The following UGT2B11 variants were observed in gnomAD, a reference collection of about 807,000 sequenced individuals.
UGT2B11 encodes the protein UDP-glucuronosyltransferase 2B11.
A neutral mutation model predicts 51.7 loss-of-function variants in UGT2B11; 49 were observed. The ratio of observed to expected loss-of-function variants is 0.95; its 90% CI spans 0.75 to 1.20. The LOEUF (loss-of-function observed/expected upper bound fraction) is 1.20. Among genes scored for constraint, UGT2B11 ranks in the 50% most tolerant of loss-of-function variants. The pLI is 0.00. For synonymous variants in UGT2B11, 273 were observed against 209.0 expected (o/e 1.31, Z -2.64); for missense variants, 810 against 622.1 (o/e 1.30, Z -3.21).
chr4:69,221,694 G>T, the UGT2B11 span, among the ~76,000 whole-genome samples: 1 of 138,250 alleles, frequency 7.2e-6, no homozygotes, highest in African/African-American at 2.6e-5. Flanking sequence ...AAGATTCCTC[G>T]GATAGAAACA....
Position 69,210,705 on chromosome 4 carries a change from T to C in UGT2B11, c.870+1868A>G, listed in dbSNP as rs769721615. Among the ~76,000 whole-genome samples the C allele has an allele frequency of 5.3e-5, 8 of 151,666 alleles. 1 individual carries two copies. In the South Asian group the frequency reaches 1.7e-3, roughly 31 times the overall value. ...TAGAGTGACATAGATTTTTCATTAGTCTTACTTCAGCTTTTCTCTCTTGAG... is the reference window on the plus strand; with the variant it reads ...TAGAGTGACATAGATTTTTCATTAGCCTTACTTCAGCTTTTCTCTCTTGAG... On this transcript the variant is annotated intron_variant, in intron 2 of 5. Transcript: ENST00000446444.
intron 1 of UGT2B11, 92 bp from the exon 2 acceptor site, chr4:69,212,813 T>C: frequency 1.4e-6 from 2 of 1,416,320 alleles, no homozygotes; most frequent in Non-Finnish European, 9.3e-7. Context: ...TAAGCAAAGA[T>C]GTAGGTAAAG....
chr4:69,200,868 C>A, intron 5 of UGT2B11, 149 bp from the exon 6 acceptor site: 1 of 1,074,516 alleles, frequency 9.3e-7, no homozygotes, highest in Non-Finnish European at 1.2e-6. Context: ...TTTGAGTTAT[C>A]ATAGATAGTT....
chr4:69,208,462 C>G lies in UGT2B11; in HGVS notation c.891G>C (p.Gln297His). ...CCACAACACCATTTTCTCCAGAGCT[C>G]TGTACAAACTCCTCCATTTCCTGTG... ...PLPKEMEEFV[Q>H]SSGENGVVVF... Residue 297 changes from glutamine (Q) to histidine (H), a missense_variant, in exon 3 of 6, where the codon CAG (glutamine) becomes CAC (histidine). By Grantham distance (24) the Gln-to-His change is conservative. Coordinates refer to ENST00000446444, the MANE Select transcript of UGT2B11 (RefSeq NM_001073.3). 1 of 1,608,946 alleles carries G rather than the reference C, an allele frequency of 6.2e-7. No individual in the cohort carries two copies. Among genetic ancestry groups the G allele is most frequent in the Non-Finnish European group, 8.5e-7 (1 of 1,177,872 alleles).
upstream of UGT2B11, chr4:69,214,837 A>T: frequency 8.1e-6 from 12 of 1,482,070 alleles, no homozygotes; most frequent in Non-Finnish European, 9.9e-6. Context: ...AATATATTAT[A>T]GGAGCATCCT....
chr4:69,209,783 T>C (rs940067422), intron 2 of UGT2B11, among the ~76,000 whole-genome samples: 3 of 151,572 alleles, frequency 2.0e-5, no homozygotes, highest in African/African-American at 7.3e-5. Flanking sequence ...TGGCTTGATA[T>C]CAGAGCCTTG....
At chr4:69,223,925 G>C in the UGT2B11 span, among the ~76,000 whole-genome samples, 1 of 152,170 alleles carries the variant, frequency 6.6e-6, no homozygotes, top group Non-Finnish European at 1.5e-5. Context: ...GTCCCAACAA[G>C]GGGGAAAGTC....
chr4:69,205,729 T>G (rs1208256241), intron 3 of UGT2B11, 162 bp from the exon 4 acceptor site: 4 of 833,326 alleles, frequency 4.8e-6, no homozygotes, highest in Non-Finnish European at 7.0e-6. Context: ...TCTTAACTTT[T>G]ATAATGATTT....
chr4:69,200,336 T>TTTTTTTAA lies in UGT2B11; in HGVS notation c.*103_*104insTTAAAAAA. On this transcript the variant is annotated 3_prime_UTR_variant, in exon 6 of 6. Transcript: ENST00000446444. ...AATTTTTTTTTTTTTTTTTTTTTTG[T>TTTTTTTAA]CACAGGAAGAAAGAAATCTTGCATA... 3 of 1,089,436 alleles carry TTTTTTTAA rather than the reference T, an allele frequency of 2.8e-6. No homozygotes were observed. The highest frequency in any genetic ancestry group is 3.5e-6 in the Non-Finnish European group (3 of 854,694). 67.5% of individuals were successfully genotyped at this position (1,089,436 alleles called of 1,614,324 possible).
intron 2 of UGT2B11, 126 bp from the exon 3 acceptor site, chr4:69,208,608 T>G: frequency 6.7e-7 from 1 of 1,485,840 alleles, no homozygotes; most frequent in African/African-American, 1.4e-5. Context: ...TTAATAATAT[T>G]TTTTAACTGA....
chr4:69,223,941 G>A, the UGT2B11 span, among the ~76,000 whole-genome samples: 46 of 152,268 alleles, frequency 3.0e-4, 1 homozygote, highest in Admixed American at 1.2e-3. Flanking sequence ...AAGTCTATCT[G>A]GGGAGCAATG....
intron 5 of UGT2B11, among the ~76,000 whole-genome samples, chr4:69,202,908 T>C (rs1194147493): frequency 1.3e-5 from 2 of 151,658 alleles, no homozygotes. Context: ...GATACCCTCC[T>C]TACACAAAAA....
At chr4:69,205,690 G>C in intron 3 of UGT2B11, 123 bp from the exon 4 acceptor site, 1 of 1,081,236 alleles carries the variant, frequency 9.2e-7, no homozygotes, top group Admixed American at 2.9e-5. Context: ...CTCAAAGATT[G>C]ATGTAAAAAG....
At chr4:69,204,753 A>G in intron 4 of UGT2B11, 104 bp from the exon 5 acceptor site, 1 of 1,553,050 alleles carries the variant, frequency 6.4e-7, no homozygotes, top group Non-Finnish European at 8.8e-7. Context: ...ACATTGAACT[A>G]ATTTGCTATT....
upstream of UGT2B11, chr4:69,214,787 A>T: frequency 6.5e-7 from 1 of 1,548,198 alleles, no homozygotes; most frequent in East Asian, 2.3e-5. Flanking sequence ...TACAGAGATA[A>T]ATCAATCAAG....
the UGT2B11 span, among the ~76,000 whole-genome samples, chr4:69,220,072 A>G: frequency 6.6e-6 from 1 of 152,202 alleles, no homozygotes; most frequent in Admixed American, 6.5e-5. Context: ...GGCATTGGAT[A>G]AATACACTCC....
At chr4:69,213,127 A>G (rs944056832) in intron 1 of UGT2B11, among the ~76,000 whole-genome samples, 1 of 150,992 alleles carries the variant, frequency 6.6e-6, no homozygotes, top group Admixed American at 6.6e-5. Context: ...TCCAGTTTAC[A>G]CAACTCATTA....
At chr4:69,220,241 T>C in the UGT2B11 span, among the ~76,000 whole-genome samples, 1 of 104,936 alleles carries the variant, frequency 9.5e-6, no homozygotes, top group African/African-American at 3.8e-5. Context: ...AGCGGTGGGA[T>C]TCCATGGTCT....
chr4:69,213,189 A>G (rs1478931561), intron 1 of UGT2B11, among the ~76,000 whole-genome samples: 1 of 151,674 alleles, frequency 6.6e-6, no homozygotes, highest in African/African-American at 2.4e-5. Flanking sequence ...TTTTGAGTGT[A>G]TGGCAGAAAT....
Sources: gnomAD v4.1 joint callset for allele counts (sites outside exome capture counted in the v4.1 genomes callset) on GRCh38, gnomAD v4.1.1 for gene constraint, MANE v1.5 for transcripts, NCBI Gene and HGNC (gene_info 2026-07-23, HGNC 2026-07-21) for gene names.